ERC1: variants seen among roughly 807,000 people sequenced by gnomAD.
The protein encoded by ERC1 is ELKS/RAB6-interacting/CAST family member 1.
ERC1 carries 56 observed loss-of-function variants against 132.0 expected under a neutral mutation model. The observed-to-expected ratio is 0.42, with a 90% CI of 0.34 to 0.53. The LOEUF (loss-of-function observed/expected upper bound fraction) is 0.53, where lower values mean the gene tolerates loss of function less well. Among genes scored for constraint, ERC1 ranks in the 20% least tolerant of loss-of-function variants. ERC1 has a pLI of 0.03. For missense variants in ERC1, 1,202 were observed against 1,349.9 expected, an observed-to-expected ratio of 0.89 and a Z score of 1.72; for synonymous variants, 478 against 476.1, an observed-to-expected ratio of 1.00 and a Z score of -0.05.
chr12:1,267,528 G>A (rs77875178), intron 14 of ERC1, among the ~76,000 whole-genome samples: 3,186 of 152,342 alleles, frequency 0.021, 112 homozygotes, highest in African/African-American at 0.071. Context: ...GGAGGCAGAC[G>A]CTGGAGGATT....
At chr12:1,156,032 TATGTG>T (rs1370940124) in intron 8 of ERC1, among the ~76,000 whole-genome samples, 2 of 152,102 alleles carry the variant, frequency 1.3e-5, no homozygotes, top group Non-Finnish European at 2.9e-5. Context: ...ATCAAGCATT[TATGTG>T]TTATATACCT....
At chr12:1,483,666 AGCTTTTTTTTTT>A (rs2094135192) in intron 18 of ERC1, among the ~76,000 whole-genome samples, 1 of 89,116 alleles carries the variant, frequency 1.1e-5, no homozygotes, top group African/African-American at 3.6e-5. Context: ...AGCCACTGAG[AGCTTTTTTTTTT>A]TTTTTTTTTT....
intron 8 of ERC1, among the ~76,000 whole-genome samples, chr12:1,144,636 G>GTATATATATATATATATATATATA (rs1353092300): frequency 5.1e-5 from 7 of 137,708 alleles, no homozygotes; most frequent in African/African-American, 1.9e-4. Flanking sequence ...ATATATATAC[G>GTATATATATATATATATATATATA]TGTATATATA....
chr12:1,460,004 AATG>A (rs2093614793), intron 18 of ERC1, among the ~76,000 whole-genome samples: 1 of 152,246 alleles, frequency 6.6e-6, no homozygotes, highest in Non-Finnish European at 1.5e-5. Flanking sequence ...TTAATTAATG[AATG>A]ATATGACAAA....
At chr12:1,104,126 T>TAAA (rs368864717) in intron 3 of ERC1, among the ~76,000 whole-genome samples, 4 of 125,228 alleles carry the variant, frequency 3.2e-5, no homozygotes, top group African/African-American at 1.2e-4. Context: ...AAAATTTGGG[T>TAAA]AAAAAAAAAA....
intron 2 of ERC1, among the ~76,000 whole-genome samples, chr12:1,058,708 T>TTG (rs1973454737): frequency 6.6e-6 from 1 of 152,112 alleles, no homozygotes; most frequent in Admixed American, 6.5e-5. Context: ...AACTTGAGAA[T>TTG]TGTTTTTTTA....
intron 2 of ERC1, among the ~76,000 whole-genome samples, chr12:1,058,812 G>A (rs1402374221): frequency 1.8e-5 from 2 of 112,446 alleles, no homozygotes; most frequent in African/African-American, 7.8e-5. Flanking sequence ...TTTTTTAAGA[G>A]ACGAGGTCTT....
chr12:1,137,173 G>A (rs1307868328), intron 7 of ERC1, among the ~76,000 whole-genome samples: 1 of 142,480 alleles, frequency 7.0e-6, no homozygotes, highest in Non-Finnish European at 1.5e-5. Context: ...ATCTCGGCTC[G>A]CTGCAACCTC....
At chr12:1,055,523 C>T (rs1314613011) in intron 2 of ERC1, among the ~76,000 whole-genome samples, 2 of 152,132 alleles carry the variant, frequency 1.3e-5, no homozygotes, top group African/African-American at 2.4e-5. Flanking sequence ...TATAGGCTTA[C>T]ACAATTAGTA....
chr12:1,107,994 A>C (rs1945445610), intron 4 of ERC1, among the ~76,000 whole-genome samples: 1 of 152,104 alleles, frequency 6.6e-6, no homozygotes, highest in Non-Finnish European at 1.5e-5. Context: ...GTGAAAAGGA[A>C]TTTTTTTATT....
chr12:1,016,795 C>G (rs144353750), intron 1 of ERC1, among the ~76,000 whole-genome samples: 8 of 150,518 alleles, frequency 5.3e-5, no homozygotes, highest in Non-Finnish European at 8.9e-5. Flanking sequence ...GGTTTACAGG[C>G]GTGTACCACC....
chr12:1,420,507 G>A (rs2092381269), intron 17 of ERC1, among the ~76,000 whole-genome samples: 1 of 152,064 alleles, frequency 6.6e-6, no homozygotes, highest in African/African-American at 2.4e-5. Context: ...CCAGGCTGTA[G>A]TGCAGTGGCA....
chr12:1,476,750 C>G (rs988364028), intron 18 of ERC1, among the ~76,000 whole-genome samples: 2 of 152,054 alleles, frequency 1.3e-5, no homozygotes, highest in African/African-American at 4.8e-5. Flanking sequence ...CAGGTCTATA[C>G]CCTTTGACTC....
intron 3 of ERC1, among the ~76,000 whole-genome samples, chr12:1,099,141 G>A (rs1369842819): frequency 1.3e-5 from 2 of 152,146 alleles, no homozygotes; most frequent in African/African-American, 4.8e-5. Flanking sequence ...AGAGAAACAA[G>A]CCAGATTAGG....
chr12:1,267,132 A>G (rs2077532235), intron 14 of ERC1, among the ~76,000 whole-genome samples: 1 of 152,208 alleles, frequency 6.6e-6, no homozygotes, highest in African/African-American at 2.4e-5. Context: ...AAATTTAGAG[A>G]AGTTGTGTAA....
intron 16 of ERC1, among the ~76,000 whole-genome samples, chr12:1,404,028 G>A (rs1180312672): frequency 6.6e-6 from 1 of 152,152 alleles, no homozygotes; most frequent in African/African-American, 2.4e-5. Flanking sequence ...AGAAAAATTA[G>A]CCTACATCTT....
At chr12:1,194,116 T>C (rs923243047) in intron 12 of ERC1, among the ~76,000 whole-genome samples, 1 of 152,162 alleles carries the variant, frequency 6.6e-6, no homozygotes, top group Non-Finnish European at 1.5e-5. Flanking sequence ...TTCTTTGCTA[T>C]CATGTTTAAA....
chr12:1,027,813 A>G lies in ERC1; in HGVS notation c.-91A>G, dbSNP rs1312013730. On this transcript the variant is annotated 5_prime_UTR_variant, in exon 2 of 19. Transcript: ENST00000360905. ...ACCTTCTTCTGATTAACCTTAAACC[A>G]ACTTGTAGCCATAGAGACACCTCAC... The G allele has an allele frequency of 9.3e-6, 11 of 1,183,628 alleles. No homozygotes were observed. The highest frequency in any genetic ancestry group is 1.2e-5 in the Non-Finnish European group (10 of 834,490). 73.3% of individuals were successfully genotyped at this position (1,183,628 alleles called of 1,614,324 possible).
intron 15 of ERC1, among the ~76,000 whole-genome samples, chr12:1,367,143 C>A (rs2086739318): frequency 6.6e-6 from 1 of 152,166 alleles, no homozygotes; most frequent in Non-Finnish European, 1.5e-5. Context: ...TAGTTTACTA[C>A]TCACTCTGGA....
Sources: allele counts gnomAD v4.1 joint callset (sites outside exome capture counted in the v4.1 genomes callset), GRCh38; gene constraint gnomAD v4.1.1; transcripts MANE v1.5; gene names NCBI Gene and HGNC (gene_info 2026-07-23, HGNC 2026-07-21).